Variants in HIP1 observed in about 807,000 individuals in gnomAD.
The protein encoded by HIP1 is huntingtin-interacting protein 1.
In HIP1, 65 loss-of-function variants were observed where a neutral mutation model predicts 147.6. The observed-to-expected ratio is 0.44, with a 90% CI of 0.36 to 0.54. The LOEUF (loss-of-function observed/expected upper bound fraction) is 0.54. Ranked by LOEUF, HIP1 falls within the 20% of genes least tolerant of loss-of-function variation. The pLI is 0.00. For synonymous variants in HIP1, 479 were observed against 504.0 expected, an observed-to-expected ratio of 0.95 and a Z score of 0.67; for missense variants, 1,061 against 1,299.6, an observed-to-expected ratio of 0.82 and a Z score of 2.82.
chr7:75,666,283 C>G (rs1298914411), intron 1 of HIP1, among the ~76,000 whole-genome samples: 1 of 151,906 alleles, frequency 6.6e-6, no homozygotes, highest in Non-Finnish European at 1.5e-5. Context: ...ATTCTCCTGC[C>G]TCAGCCTCCC....
At chr7:75,552,979 C>T (rs587676281) in intron 22 of HIP1, among the ~76,000 whole-genome samples, 71 of 151,378 alleles carry the variant, frequency 4.7e-4, no homozygotes, top group African/African-American at 1.7e-3. Flanking sequence ...CACTCTTATG[C>T]CCAGGCTGGA....
chr7:75,729,441 C>A (rs1032015215), intron 1 of HIP1, among the ~76,000 whole-genome samples: 1 of 150,970 alleles, frequency 6.6e-6, no homozygotes, highest in Admixed American at 6.6e-5. Context: ...GAGCTATGAT[C>A]GCATCACTGC....
At chr7:75,706,324 T>A (rs1263829468) in intron 1 of HIP1, among the ~76,000 whole-genome samples, 1 of 152,080 alleles carries the variant, frequency 6.6e-6, no homozygotes, top group Non-Finnish European at 1.5e-5. Flanking sequence ...TTTCTGGGGT[T>A]TTATTTATTG....
At position 75,563,193 on chromosome 7, in the gene HIP1, G is replaced by A. The variant is rs1384832266; in HGVS notation, c.874C>T (p.Pro292Ser). Residue 292 changes from proline to serine, a missense_variant, in exon 10 of 31, where the codon CCT (proline) becomes TCT (serine). By Grantham distance (74) the Pro-to-Ser change is moderately conservative. Transcript: ENST00000336926. ...GTGTGGTTGGGCATGCTTACCTCAG[G>A]CAGCTGGGGGATCTGAATGAGCCGC... ...FKRLIQIPQL[P>S]ENPPNFLRAS... 6 of 1,614,082 alleles carry A rather than the reference G, an allele frequency of 3.7e-6. No homozygotes were observed. Among genetic ancestry groups the A allele is most frequent in the Admixed American group, 3.3e-5 (2 of 60,004 alleles).
intron 1 of HIP1, among the ~76,000 whole-genome samples, chr7:75,699,451 G>A (rs945176473): frequency 6.7e-6 from 1 of 150,286 alleles, no homozygotes; most frequent in African/African-American, 2.5e-5. Context: ...AAGGTTCTAG[G>A]CTGGTTCCAT....
intron 1 of HIP1, among the ~76,000 whole-genome samples, chr7:75,615,329 A>G (rs60067263): frequency 6.6e-6 from 1 of 151,656 alleles, no homozygotes; most frequent in African/African-American, 2.4e-5. Flanking sequence ...CCGAGGCAGG[A>G]GGATCACTTG....
Position 75,568,226 on chromosome 7 carries a change from C to A in HIP1, c.776G>T (p.Arg259Leu). ...TGTAAACTGCTCCATGAAGCGGTCC[C>A]GGTGGCCTTGCAGGGTGTCAGCTGG... The part of the protein sequence containing the change: ...CLPADTLQGH[R>L]DRFMEQFTKL... The change falls in exon 9 of 31, where the codon CGG becomes CTG. Residue 259 changes from arginine (R) to leucine (L), a missense_variant. This residue lies in a region of HIP1 where 26 missense variants were observed against 59.9 expected (regional missense o/e 0.43). Coordinates refer to ENST00000336926, the MANE Select transcript of HIP1 (RefSeq NM_005338.7). This position sits in a 1 kb window ranked among gnomAD's most constrained non-coding sequence, Gnocchi z 4.1. The A allele has an allele frequency of 2.5e-6, 4 of 1,613,344 alleles. No individual in the cohort carries two copies. The highest frequency in any genetic ancestry group is 1.7e-6 in the Non-Finnish European group (2 of 1,179,330).
intron 1 of HIP1, among the ~76,000 whole-genome samples, chr7:75,674,107 T>C (rs1229652413): frequency 6.6e-6 from 1 of 152,214 alleles, no homozygotes; most frequent in Admixed American, 6.5e-5. Flanking sequence ...TTTCTATACA[T>C]ATGAGATAAT....
chr7:75,586,735 C>G lies in HIP1; in HGVS notation c.465+18G>C. The G allele has an allele frequency of 3.9e-6, 6 of 1,556,084 alleles. No homozygotes were observed. Among genetic ancestry groups the G allele is most frequent in the Non-Finnish European group, 5.3e-6 (6 of 1,127,806 alleles). On this transcript the variant is annotated intron_variant, in intron 5 of 30. Transcript: ENST00000336926. ...AGGGGAGGCGGCGGTGGCGGCAGAA[C>G]TGTCCGCAGAGACTCACTTTGGTGT...
chr7:75,717,259 A>G (rs1801351158), intron 1 of HIP1, among the ~76,000 whole-genome samples: 1 of 152,170 alleles, frequency 6.6e-6, no homozygotes, highest in Non-Finnish European at 1.5e-5. Flanking sequence ...TTGGTGATAA[A>G]TACACAAAAA....
intron 9 of HIP1, among the ~76,000 whole-genome samples, chr7:75,563,567 C>A (rs1026876246): frequency 2.6e-4 from 40 of 152,202 alleles, no homozygotes; most frequent in African/African-American, 9.4e-4. Context: ...GATTTAACTT[C>A]CGAGGAGTGT....
intron 4 of HIP1, among the ~76,000 whole-genome samples, chr7:75,589,180 G>T (rs1239207849): frequency 6.6e-6 from 1 of 150,434 alleles, no homozygotes; most frequent in African/African-American, 2.4e-5. Context: ...AGAAGAAGAA[G>T]AAAAGAAAAG....
intron 1 of HIP1, among the ~76,000 whole-genome samples, chr7:75,725,182 C>G (rs1172785925): frequency 6.6e-6 from 1 of 152,040 alleles, no homozygotes; most frequent in African/African-American, 2.4e-5. Flanking sequence ...CACCACCACA[C>G]CTGGCTAATT....
intron 1 of HIP1, among the ~76,000 whole-genome samples, chr7:75,667,484 T>A (rs1384793666): frequency 5.3e-5 from 8 of 152,180 alleles, no homozygotes; most frequent in African/African-American, 1.7e-4. Flanking sequence ...TTAATATTAT[T>A]TATTCATTTA....
At chr7:75,557,873 C>G in intron 15 of HIP1, 103 bp from the exon 16 acceptor site, 2 of 840,156 alleles carry the variant, frequency 2.4e-6, no homozygotes, top group Non-Finnish European at 4.0e-6. Context: ...TAGAGTCAGA[C>G]ACAGGAATCA....
intron 14 of HIP1, among the ~76,000 whole-genome samples, chr7:75,558,650 C>A (rs1795109715): frequency 6.6e-6 from 1 of 152,168 alleles, no homozygotes; most frequent in South Asian, 2.1e-4. Flanking sequence ...TGCATATATG[C>A]TTTTCTCCCT....
At chr7:75,594,258 C>A (rs1427383996) in intron 2 of HIP1, among the ~76,000 whole-genome samples, 1 of 152,004 alleles carries the variant, frequency 6.6e-6, no homozygotes, top group African/African-American at 2.4e-5. Flanking sequence ...CCAGCCTGGG[C>A]AACGAGCAAA....
chr7:75,718,803 C>T (rs1194821336), intron 1 of HIP1, among the ~76,000 whole-genome samples: 1 of 152,180 alleles, frequency 6.6e-6, no homozygotes. Flanking sequence ...AGGCGGGTCA[C>T]AGTCCAGGTA....
chr7:75,736,908 C>T (rs1311722177), intron 1 of HIP1, among the ~76,000 whole-genome samples: 1 of 151,138 alleles, frequency 6.6e-6, no homozygotes, highest in African/African-American at 2.4e-5. Flanking sequence ...CACACCTGCG[C>T]GCGGTTTTCT....
Sources: allele counts gnomAD v4.1 joint callset (sites outside exome capture counted in the v4.1 genomes callset), GRCh38; gene constraint gnomAD v4.1.1; regional missense constraint gnomAD v4.1.1; non-coding constraint Gnocchi (gnomAD v3.1); transcripts MANE v1.5; gene names NCBI Gene and HGNC (gene_info 2026-07-23, HGNC 2026-07-21).